The following LNX2 variants were observed in gnomAD, a reference collection of about 807,000 sequenced individuals.
LNX2 encodes the protein ligand of numb-protein X 2.
Under a neutral mutation model 66.2 loss-of-function variants are expected in LNX2, and 35 were observed. The ratio of observed to expected loss-of-function variants is 0.53; its 90% CI spans 0.40 to 0.70. LNX2 has a LOEUF of 0.70. LNX2 is among the 30% of genes least tolerant of loss of function. The pLI is 0.00. For synonymous variants in LNX2, 337 were observed against 315.6 expected (o/e 1.07, Z -0.72); for missense variants, 791 against 850.8 (o/e 0.93, Z 0.87).
At chr13:27,577,080 T>C (rs562606487) in intron 2 of LNX2, among the ~76,000 whole-genome samples, 2 of 152,322 alleles carry the variant, frequency 1.3e-5, no homozygotes, top group African/African-American at 4.8e-5. Flanking sequence ...AGAAAATTCT[T>C]ACAACTTAGC....
intron 2 of LNX2, among the ~76,000 whole-genome samples, chr13:27,580,433 C>A (rs1566123493): frequency 6.6e-6 from 1 of 152,076 alleles, no homozygotes; most frequent in South Asian, 2.1e-4. Context: ...TCACAGCAAT[C>A]GAGATTACTG....
chr13:27,601,786 A>C (rs1484746375), intron 1 of LNX2, among the ~76,000 whole-genome samples: 1 of 152,130 alleles, frequency 6.6e-6, no homozygotes, highest in Non-Finnish European at 1.5e-5. Flanking sequence ...TCCTGGGCTC[A>C]AGCGATCCTC....
rs1309685663 is a variant in LNX2 at position 27,548,358 on chromosome 13, A to C, written c.2050T>G (p.Cys684Gly). The C allele has an allele frequency of 1.2e-6, 2 of 1,613,610 alleles. No individual in the cohort carries two copies. Among genetic ancestry groups the C allele is most frequent in the Non-Finnish European group, 1.7e-6 (2 of 1,179,804 alleles). ...QRNKVTLTVICWPGSLV is the reference protein window; with the variant it reads ...QRNKVTLTVIGWPGSLV ...ATCTATACAAGGCTGCCAGGCCAAC[A>C]AATAACGGTCAGAGTGACTTTGTTC... Residue 684 changes from cysteine to glycine, a missense_variant, in exon 10 of 10, where the codon TGT becomes GGT. Coordinates refer to ENST00000316334, the MANE Select transcript of LNX2 (RefSeq NM_153371.4).
At chr13:27,604,913 A>C (rs1243828198) in intron 1 of LNX2, among the ~76,000 whole-genome samples, 1 of 151,352 alleles carries the variant, frequency 6.6e-6, no homozygotes, top group Non-Finnish European at 1.5e-5. Context: ...TAATGGGGGA[A>C]AAACAGACCT....
intron 2 of LNX2, among the ~76,000 whole-genome samples, chr13:27,580,225 A>C (rs765164616): frequency 6.6e-6 from 1 of 152,216 alleles, no homozygotes; most frequent in Non-Finnish European, 1.5e-5. Flanking sequence ...TAGAATAGTA[A>C]ACAAGAACAG....
chr13:27,615,151 G>GC (rs750191866), intron 1 of LNX2, among the ~76,000 whole-genome samples: 1 of 152,184 alleles, frequency 6.6e-6, no homozygotes, highest in Non-Finnish European at 1.5e-5. Context: ...GACACCAGTC[G>GC]CAAGTGCAGG....
rs1555268481 is a variant in LNX2, at chr13:27,583,218, G to GTCCTCTCCAATATAAC, written c.-100-1416_-100-1415insGTTATATTGGAGAGGA. 5.9e-4 allele frequency among the ~76,000 whole-genome samples: 11 copies of GTCCTCTCCAATATAAC among 18,488 alleles called. 1 individual carries two copies. Among genetic ancestry groups the GTCCTCTCCAATATAAC allele is most frequent in the Non-Finnish European group, 9.7e-4 (11 of 11,318 alleles). The allele number at this position is 18,488 out of a possible 152,430, so 12.1% of individuals were successfully genotyped here. On this transcript the variant is annotated intron_variant, in intron 1 of 9. Transcript: ENST00000316334. ...TGTGTGTGTGTGTGTGTGTGTGTGT[G>GTCCTCTCCAATATAAC]TGTGTGTGTGTGTGTGTGTGTGTGT...
intron 2 of LNX2, among the ~76,000 whole-genome samples, chr13:27,576,680 G>A (rs1412980621): frequency 6.6e-6 from 1 of 151,624 alleles, no homozygotes; most frequent in Non-Finnish European, 1.5e-5. Flanking sequence ...AGCCAAGATT[G>A]CACTGCTTCA....
chr13:27,616,093 G>A (rs1377626253), intron 1 of LNX2, among the ~76,000 whole-genome samples: 1 of 142,260 alleles, frequency 7.0e-6, no homozygotes, highest in Non-Finnish European at 1.5e-5. Context: ...ATTTTAGGGA[G>A]GCATGAGACA....
intron 4 of LNX2, 24 bp downstream of exon 4, chr13:27,567,616 T>C (rs763327961): frequency 1.2e-6 from 2 of 1,605,378 alleles, no homozygotes; most frequent in Non-Finnish European, 1.7e-6. Flanking sequence ...AGGCACAAGT[T>C]AACAGAATAA....
At position 27,556,327 on chromosome 13, in the gene LNX2, C is replaced by G. The variant is rs755464649; in HGVS notation, c.1455G>C (p.Gly485=). 5 of 1,613,978 alleles carry G rather than the reference C, an allele frequency of 3.1e-6. No homozygotes were observed. Among genetic ancestry groups the G allele is most frequent in the Non-Finnish European group, 3.4e-6 (4 of 1,179,964 alleles). The change falls in exon 7 of 10, where the codon GGG becomes GGC. Residue 485 remains glycine (G), a synonymous_variant. Coordinates refer to ENST00000316334, the MANE Select transcript of LNX2 (RefSeq NM_153371.4). ...GCTCACCACTCTTACTTCCCCTGCC[C>G]CCAGCAACGGTCATGCCAAGGGATT... The part of the protein sequence containing the change: ...PHESLGMTVA[G]GRGSKSGELP...
chr13:27,590,377 C>A (rs967145723), intron 1 of LNX2, among the ~76,000 whole-genome samples: 3 of 152,058 alleles, frequency 2.0e-5, no homozygotes, highest in East Asian at 1.9e-4. Context: ...TGCCACCATG[C>A]GTGGCTAATT....
intron 1 of LNX2, among the ~76,000 whole-genome samples, chr13:27,611,857 T>C (rs1157723230): frequency 6.6e-6 from 1 of 152,204 alleles, no homozygotes; most frequent in East Asian, 1.9e-4. Context: ...AGAACAATAA[T>C]TAGAGAAGAA....
chr13:27,598,783 A>G (rs1365465293), intron 1 of LNX2, among the ~76,000 whole-genome samples: 1 of 152,186 alleles, frequency 6.6e-6, no homozygotes, highest in African/African-American at 2.4e-5. Flanking sequence ...TGCACAAACC[A>G]AAATATATAC....
chr13:27,562,261 G>T, intron 5 of LNX2, 152 bp downstream of exon 5: 2 of 884,788 alleles, frequency 2.3e-6, no homozygotes, highest in Non-Finnish European at 3.4e-6. Context: ...AGTTATACTA[G>T]TGTGGATTTT....
At chr13:27,573,368 G>C (rs567689054) in intron 2 of LNX2, among the ~76,000 whole-genome samples, 41 of 150,974 alleles carry the variant, frequency 2.7e-4, no homozygotes, top group African/African-American at 1.0e-3. Flanking sequence ...CTGTGTGCCT[G>C]TCTTTACTTG....
chr13:27,568,175 A>C (rs1276869822), intron 3 of LNX2, among the ~76,000 whole-genome samples: 1 of 152,204 alleles, frequency 6.6e-6, no homozygotes, highest in Non-Finnish European at 1.5e-5. Context: ...GTACATAATG[A>C]GAGGCAGTAC....
At chr13:27,614,890 C>T (rs1488099280) in intron 1 of LNX2, among the ~76,000 whole-genome samples, 3 of 152,092 alleles carry the variant, frequency 2.0e-5, no homozygotes, top group Admixed American at 1.3e-4. Flanking sequence ...AAGTGATAGA[C>T]AACAGAGCCT....
intron 4 of LNX2, among the ~76,000 whole-genome samples, chr13:27,567,156 TATCTTATA>T (rs1955216346): frequency 6.6e-6 from 1 of 152,172 alleles, no homozygotes; most frequent in African/African-American, 2.4e-5. Context: ...TTCTGAACTC[TATCTTATA>T]ATCTGTGGTA....
Sources: gnomAD v4.1 joint callset for allele counts (sites outside exome capture counted in the v4.1 genomes callset) on GRCh38, gnomAD v4.1.1 for gene constraint, MANE v1.5 for transcripts, NCBI Gene and HGNC (gene_info 2026-07-23, HGNC 2026-07-21) for gene names.